Variants in BCL6B observed in about 807,000 individuals in gnomAD.
BCL6B encodes BCL6B transcription repressor, also known as B-cell CLL/lymphoma 6 member B protein.
Under a neutral mutation model 44.6 loss-of-function variants are expected in BCL6B, and 28 were observed. The observed-to-expected ratio is 0.63, with a 90% CI of 0.47 to 0.86. The LOEUF (loss-of-function observed/expected upper bound fraction) is 0.86, where lower values mean the gene tolerates loss of function less well. Ranked by LOEUF, BCL6B falls within the 40% of genes least tolerant of loss-of-function variation. The pLI is 0.00. For synonymous variants in BCL6B, 268 were observed against 263.6 expected (o/e 1.02, Z -0.16); for missense variants, 626 against 652.3 (o/e 0.96, Z 0.44).
In BCL6B at chr17:7,027,399, T is replaced by A. The variant is rs73979727; in HGVS notation, c.1324-104T>A. The A allele has an allele frequency of 1.2e-3, 1,550 of 1,330,080 alleles. 17 individuals carry two copies. The African/African-American group carries it at 0.02, about 17-fold the overall frequency. 82.4% of individuals were successfully genotyped at this position (1,330,080 alleles called of 1,614,324 possible). ...GATGTGAGAGTCAAAGAGCTGATCT[T>A]CCGCTGGATAGTTCCCACCTGGGAG... On this transcript the variant is annotated intron_variant, in intron 8 of 8. Transcript: ENST00000293805.
chr17:7,025,208 C>G lies in BCL6B; in HGVS notation c.889+8C>G, dbSNP rs1215627789. 6.2e-7 allele frequency: 1 copy of G among 1,613,558 alleles called. No individual in the cohort carries two copies. On this transcript the variant is annotated splice_region_variant and intron_variant, in intron 5 of 8. Transcript: ENST00000293805. ...GGGCTCGTCCACTACCGGGTAAGAG[C>G]CCCTCTTTCTTGGCTTTTCTCCCGT...
chr17:7,025,906 C>T lies in BCL6B; in HGVS notation c.890-551C>T, dbSNP rs555015720. 2.6e-5 allele frequency among the ~76,000 whole-genome samples: 4 copies of T among 151,360 alleles called. No individual in the cohort carries two copies. The East Asian group carries it at 7.7e-4, about 29-fold the overall frequency. On this transcript the variant is annotated intron_variant, in intron 5 of 8. Coordinates refer to ENST00000293805, the MANE Select transcript of BCL6B (RefSeq NM_181844.4). The stretch of plus-strand genomic sequence containing the variant: ...TCCCACTAGCAGGGGCCTCCACCTA[C>T]CACCACTGCTTTTATTTTATTTATT...
chr17:7,024,725 C>CAGCAGCAGT lies in BCL6B; in HGVS notation c.731_732insCAGTAGCAG (p.Ser242_Ser244dup). ...CCAGCAGCAGCAGCAGCAGCAGCAG[C>CAGCAGCAGT]AGCAGTGAAGAAGGACCCATTCCTG... is the stretch of plus-strand genomic sequence containing the variant. On this transcript the variant is annotated inframe_insertion, in exon 4 of 9. Transcript: ENST00000293805. This position sits in a 1 kb window ranked among gnomAD's most constrained non-coding sequence, Gnocchi z 6.6. The CAGCAGCAGT allele has an allele frequency of 6.2e-7, 1 of 1,613,198 alleles. No individual in the cohort carries two copies. The highest frequency in any genetic ancestry group is 8.5e-7 in the Non-Finnish European group (1 of 1,179,854).
rs769447393 is a variant in BCL6B, at chr17:7,026,960, T to A, written c.1196T>A (p.Leu399Gln). 6.2e-7 allele frequency: 1 copy of A among 1,612,658 alleles called. No individual in the cohort carries two copies. Among genetic ancestry groups the A allele is most frequent in the Admixed American group, 1.7e-5 (1 of 60,008 alleles). Residue 399 changes from leucine (L) to glutamine (Q), a missense_variant, in exon 8 of 9, where the codon CTG becomes CAG. Leu to Gln is a moderately radical substitution (Grantham distance 113). Coordinates refer to ENST00000293805, the MANE Select transcript of BCL6B (RefSeq NM_181844.4). ...TCTCCTCCCTCCCAGGTGGCACATC[T>A]GCGGGCGCACGTGCTGATCCACACC... ...CGSRFVQVAH[L>Q]RAHVLIHTGE... is the part of the protein sequence containing the mutation.
rs1567729220 is a variant in BCL6B, at chr17:7,026,756, C to T, written c.1106C>T (p.Ala369Val). The T allele has an allele frequency of 6.2e-7, 1 of 1,614,230 alleles. No individual in the cohort carries two copies. Among genetic ancestry groups the T allele is most frequent in the African/African-American group, 1.3e-5 (1 of 75,066 alleles). The change falls in exon 7 of 9, where the codon GCA (alanine) becomes GTA (valine). Residue 369 changes from alanine (A) to valine (V), a missense_variant. Transcript: ENST00000293805. ...SICGARFNRP[A>V]NLKTHSRIHS... ...TGCGGAGCCCGTTTTAACCGGCCAG[C>T]AAACCTGAAAACGCACAGCCGCATC...
chr17:7,026,449 C>T lies in BCL6B; in HGVS notation c.890-8C>T. On this transcript the variant is annotated splice_polypyrimidine_tract_variant and splice_region_variant and intron_variant, in intron 5 of 8. Coordinates refer to ENST00000293805, the MANE Select transcript of BCL6B (RefSeq NM_181844.4). ...ACTATGGTTGCCGTCACCCATTCCC[C>T]TTCCCAGGAAGTGAATTTTTCAGCT... is the stretch of plus-strand genomic sequence containing the variant. 1 of 1,613,530 alleles carries T rather than the reference C, an allele frequency of 6.2e-7. No individual in the cohort carries two copies.
Position 7,024,643 on chromosome 17 carries a change from A to G in BCL6B, c.644A>G (p.Glu215Gly). Residue 215 changes from glutamate (E) to glycine (G), a missense_variant, in exon 4 of 9, where the codon GAG (glutamate) becomes GGG (glycine). Glu to Gly is a moderately conservative substitution (Grantham distance 98). Transcript: ENST00000293805. This position sits in a 1 kb window ranked among gnomAD's most constrained non-coding sequence, Gnocchi z 6.6. ...TCCCAAGCAGGGAGCCTGGTCGGGG[A>G]GAGAAGTTCTGGTCAACCTTGCCCC... ...QASQAGSLVG[E>G]RSSGQPCPQA... 6.2e-7 allele frequency: 1 copy of G among 1,614,096 alleles called. No individual in the cohort carries two copies. Among genetic ancestry groups the G allele is most frequent in the Non-Finnish European group, 8.5e-7 (1 of 1,180,044 alleles).
In BCL6B at chr17:7,024,640, G is replaced by C; in HGVS notation, c.641G>C (p.Gly214Ala). 6.2e-7 allele frequency: 1 copy of C among 1,614,110 alleles called. No homozygotes were observed. The highest frequency in any genetic ancestry group is 8.5e-7 in the Non-Finnish European group (1 of 1,180,038). Residue 214 changes from glycine (G) to alanine (A), a missense_variant, in exon 4 of 9, where the codon GGG (glycine) becomes GCG (alanine). Gly to Ala is a moderately conservative substitution (Grantham distance 60). Transcript: ENST00000293805. This position sits in a 1 kb window ranked among gnomAD's most constrained non-coding sequence, Gnocchi z 6.6. ...GCCTCCCAAGCAGGGAGCCTGGTCG[G>C]GGAGAGAAGTTCTGGTCAACCTTGC... ...SQASQAGSLV[G>A]ERSSGQPCPQ...
rs144384117 is a variant in BCL6B, at chr17:7,025,018, G to A, written c.765-58G>A. The A allele has an allele frequency of 4.6e-4, 727 of 1,578,498 alleles. 3 individuals are homozygous for A. In the African/African-American group the frequency reaches 7.9e-3, roughly 17 times the overall value. On this transcript the variant is annotated intron_variant, in intron 4 of 8. Transcript: ENST00000293805. ...CTTTGGCTCCAAATTTCCCAGGAGA[G>A]AACCCCCACCCCTCAACCGTACAAT...
At chr17:7,023,619 A>G (rs768536489) in intron 1 of BCL6B, 41 bp from the exon 2 acceptor site, 6 of 1,554,296 alleles carry the variant, frequency 3.9e-6, no homozygotes, top group Non-Finnish European at 5.2e-6. Context: ...AAGGCGTCTT[A>G]GGACTGCCTG....
chr17:7,028,694 G>A lies in BCL6B; in HGVS notation c.*1075G>A. 1.0e-6 allele frequency: 1 copy of A among 985,408 alleles called. No individual in the cohort carries two copies. Among genetic ancestry groups the A allele is most frequent in the African/African-American group, 1.7e-5 (1 of 57,346 alleles). The allele number at this position is 985,408 out of a possible 1,614,324, so 61.0% of individuals were successfully genotyped here. On this transcript the variant is annotated 3_prime_UTR_variant, in exon 9 of 9. Coordinates refer to ENST00000293805, the MANE Select transcript of BCL6B (RefSeq NM_181844.4). The stretch of plus-strand genomic sequence containing the variant: ...GGGAGAGATCAGACATTCCTTATCA[G>A]AGATGATGTGACCTTTTCTGACTCT...
Position 7,024,245 on chromosome 17 carries a change from C to T in BCL6B, c.342C>T (p.Ala114=), listed in dbSNP as rs1424923594. The T allele has an allele frequency of 2.5e-6, 4 of 1,613,666 alleles. No individual in the cohort carries two copies. Among genetic ancestry groups the T allele is most frequent in the Non-Finnish European group, 3.4e-6 (4 of 1,180,040 alleles). The part of the protein sequence containing the change: ...SPATAPAVLA[A]ATYLQMEHVV... ...CCACTGCACCAGCAGTCCTAGCGGC[C>T]GCCACCTATTTGCAGATGGAGCACG... Residue 114 remains alanine, a synonymous_variant, in exon 3 of 9, where the codon GCC becomes GCT. Transcript: ENST00000293805. The surrounding 1 kb of genome is among the most constrained non-coding windows in gnomAD (Gnocchi z 6.6).
At position 7,027,966 on chromosome 17, in the gene BCL6B, G is replaced by A; in HGVS notation, c.*347G>A. 1 of 1,068,518 alleles carries A rather than the reference G, an allele frequency of 9.4e-7. No homozygotes were observed. The highest frequency in any genetic ancestry group is 3.2e-5 in the South Asian group (1 of 30,930). 66.2% of individuals were successfully genotyped at this position (1,068,518 alleles called of 1,614,324 possible). A position where few individuals can be genotyped will look rare whatever the true frequency, so the allele number is the denominator to read the frequency against. On this transcript the variant is annotated 3_prime_UTR_variant, in exon 9 of 9. Transcript: ENST00000293805. The stretch of plus-strand genomic sequence containing the variant: ...AGTTTATCTGTAAATATAATTTATT[G>A]AGGCCTTTGGGTGGCACCGGGGCCT...
At chr17:7,026,397 G>C in intron 5 of BCL6B, 60 bp from the exon 6 acceptor site, 1 of 1,576,962 alleles carries the variant, frequency 6.3e-7, no homozygotes, top group Non-Finnish European at 8.6e-7. Flanking sequence ...TGAGGATTCA[G>C]TAGTACCTAG....
At chr17:7,023,535 G>C (rs1344433417) in intron 1 of BCL6B, 125 bp from the exon 2 acceptor site, 1 of 884,790 alleles carries the variant, frequency 1.1e-6, no homozygotes, top group African/African-American at 1.7e-5. Context: ...GAGGGAGGCT[G>C]CGTGTGCCGG....
rs761504618 is a variant in BCL6B, at chr17:7,024,356, G to A, written c.402-45G>A. On this transcript the variant is annotated intron_variant, in intron 3 of 8. Coordinates refer to ENST00000293805, the MANE Select transcript of BCL6B (RefSeq NM_181844.4). This position sits in a 1 kb window ranked among gnomAD's most constrained non-coding sequence, Gnocchi z 6.6. ...TGTGGGTGAGGTGTTAAGGGCAAAG[G>A]CAGAGTTTAGGAAATGGCACTAACG... is the stretch of plus-strand genomic sequence containing the variant. The A allele has an allele frequency of 1.9e-6, 3 of 1,613,004 alleles. No individual in the cohort carries two copies. Among genetic ancestry groups the A allele is most frequent in the Admixed American group, 1.7e-5 (1 of 59,946 alleles).
Position 7,024,742 on chromosome 17 carries a change from C to G in BCL6B, c.743C>G (p.Pro248Arg). 1 of 1,611,482 alleles carries G rather than the reference C, an allele frequency of 6.2e-7. No homozygotes were observed. Among genetic ancestry groups the G allele is most frequent in the African/African-American group, 1.3e-5 (1 of 74,672 alleles). The change falls in exon 4 of 9, where the codon CCC becomes CGC. Residue 248 changes from proline to arginine, a missense_variant. Transcript: ENST00000293805. The surrounding 1 kb of genome is among the most constrained non-coding windows in gnomAD (Gnocchi z 6.6). Reference sequence around the variant, plus strand: ...AGCAGCAGCAGCAGTGAAGAAGGACCCATTCCTGGTCCCCAGAGCAGGTAC... The same window carrying G: ...AGCAGCAGCAGCAGTGAAGAAGGACGCATTCCTGGTCCCCAGAGCAGGTAC... ...SSSSSSSEEGPIPGPQSRLSP... is the reference protein window; with the variant it reads ...SSSSSSSEEGRIPGPQSRLSP...
At chr17:7,023,396 C>T in intron 1 of BCL6B, 1 of 466,464 alleles carries the variant, frequency 2.1e-6, no homozygotes. Flanking sequence ...GGGCGATGGG[C>T]GCGGGATTCC....
chr17:7,025,298 C>T, intron 5 of BCL6B, 98 bp downstream of exon 5: 2 of 1,481,654 alleles, frequency 1.3e-6, no homozygotes, highest in Non-Finnish European at 1.8e-6. Flanking sequence ...GGTTCCTAAA[C>T]TTTATTACAA....
Sources: gnomAD v4.1 joint callset for allele counts (sites outside exome capture counted in the v4.1 genomes callset) on GRCh38, gnomAD v4.1.1 for gene constraint, Gnocchi (gnomAD v3.1) non-coding constraint, MANE v1.5 for transcripts, NCBI Gene and HGNC (gene_info 2026-07-23, HGNC 2026-07-21) for gene names.